The following EIF4E variants were observed in gnomAD, a reference collection of about 807,000 sequenced individuals.
EIF4E encodes the protein eIF-4F 25 kDa subunit.
For synonymous variants in EIF4E, 71 were observed against 88.5 expected (o/e 0.80, Z 1.11); for missense variants, 113 against 265.6 (o/e 0.43, Z 3.99).
In EIF4E at chr4:98,879,829, T is replaced by A. The variant is rs1295162790; in HGVS notation, c.*1199A>T. The A allele has an allele frequency of 6.6e-6, 1 of 152,176 alleles. No individual in the cohort carries two copies. The highest frequency in any genetic ancestry group is 1.5e-5 in the Non-Finnish European group (1 of 67,998). 9.4% of individuals were successfully genotyped at this position (152,176 alleles called of 1,614,324 possible). Reference sequence around the variant, plus strand: ...TACCTAAGACTGAATGACTGTGCCTTACTTTATAAAAAAACAAAGATAGCC... The same window carrying A: ...TACCTAAGACTGAATGACTGTGCCTAACTTTATAAAAAAACAAAGATAGCC... On this transcript the variant is annotated 3_prime_UTR_variant, in exon 7 of 7. Transcript: ENST00000450253.
In EIF4E at chr4:98,928,903, G is replaced by C. The variant is rs976972767; in HGVS notation, c.18+192C>G. ...AGTTCTCGGGCCCCCACCAGAAAGTGTGCGCTACACGCCGCCTCGGCCATC... is the reference window on the plus strand; with the variant it reads ...AGTTCTCGGGCCCCCACCAGAAAGTCTGCGCTACACGCCGCCTCGGCCATC... On this transcript the variant is annotated intron_variant, in intron 1 of 6. Coordinates refer to ENST00000450253, the MANE Select transcript of EIF4E (RefSeq NM_001968.5). 3 of 1,559,976 alleles carry C rather than the reference G, an allele frequency of 1.9e-6. No individual in the cohort carries two copies. In the African/African-American group the frequency reaches 4.1e-5, roughly 21 times the overall value.
At chr4:98,883,868 TCTC>T (rs1162575056) in intron 6 of EIF4E, among the ~76,000 whole-genome samples, 3 of 151,850 alleles carry the variant, frequency 2.0e-5, no homozygotes, top group Non-Finnish European at 2.9e-5. Context: ...CAAAACCTCT[TCTC>T]TACAAAAAAT....
chr4:98,928,039 A>AG lies in EIF4E; in HGVS notation c.18+1055dup, dbSNP rs572142047. Among the ~76,000 whole-genome samples, 40 of 152,352 alleles carry AG rather than the reference A, an allele frequency of 2.6e-4. No homozygotes were observed. The South Asian group carries it at 6.8e-3, about 26-fold the overall frequency. On this transcript the variant is annotated intron_variant, in intron 1 of 6. Coordinates refer to ENST00000450253, the MANE Select transcript of EIF4E (RefSeq NM_001968.5). ...ATGAAAGTCTGTAGCATAGATAAAG[A>AG]GAAAAAAAAAGTCAAATGGAAAAGT...
Position 98,887,901 on chromosome 4 carries a change from G to A in EIF4E, c.273C>T (p.Tyr91=). The change falls in exon 4 of 7, where the codon TAC becomes TAT. Residue 91 remains tyrosine (Y), a synonymous_variant. Transcript: ENST00000450253. The surrounding 1 kb of genome is among the most constrained non-coding windows in gnomAD (Gnocchi z 4.0). ...CAATTAAGCATACCTTAAAAAGTGA[G>A]TAGTCACAGCCAGGCATTAAATTAC... ...LSSNLMPGCD[Y]SLFKDGIEPM... is the part of the protein sequence containing the mutation. The A allele has an allele frequency of 5.0e-6, 8 of 1,612,770 alleles. No individual in the cohort carries two copies. Among genetic ancestry groups the A allele is most frequent in the Non-Finnish European group, 6.8e-6 (8 of 1,179,200 alleles).
rs750803814 is a variant in EIF4E, at chr4:98,909,682, G to C, written c.19-7700C>G. On this transcript the variant is annotated intron_variant, in intron 1 of 6. Transcript: ENST00000450253. ...CTGGCAAACAAGGCTTATCACCTGG[G>C]ATTCTCGCAGACTTTCTGCCTGCTT... 10 of 710,490 alleles carry C rather than the reference G, an allele frequency of 1.4e-5. 1 individual carries two copies. The South Asian group carries it at 1.5e-4, about 11-fold the overall frequency. 44.0% of individuals were successfully genotyped at this position (710,490 alleles called of 1,614,324 possible).
At chr4:98,905,232 A>T (rs75300018) in intron 1 of EIF4E, among the ~76,000 whole-genome samples, 1 of 86,802 alleles carries the variant, frequency 1.2e-5, no homozygotes, top group Non-Finnish European at 1.9e-5. Flanking sequence ...CAGGGAATTT[A>T]AAAAAAAAAA....
At chr4:98,883,421 G>A (rs1258769831) in intron 6 of EIF4E, among the ~76,000 whole-genome samples, 4 of 88,454 alleles carry the variant, frequency 4.5e-5, no homozygotes, top group Admixed American at 1.7e-4. Context: ...TTTTTTGTGA[G>A]ACAGTCTCGC....
chr4:98,929,064 C>A, intron 1 of EIF4E, 31 bp downstream of exon 1: 2 of 1,577,144 alleles, frequency 1.3e-6, no homozygotes, highest in East Asian at 4.7e-5. Context: ...CGCGGGGACC[C>A]GTGGGGGTGG....
rs140506874 is a variant in EIF4E at position 98,887,628 on chromosome 4, A to T, written c.285+261T>A. 4.1e-3 allele frequency among the ~76,000 whole-genome samples: 625 copies of T among 152,300 alleles called. 4 individuals carry two copies. Among genetic ancestry groups the T allele is most frequent in the African/African-American group, 0.014 (596 of 41,562 alleles). On this transcript the variant is annotated intron_variant, in intron 4 of 6. Transcript: ENST00000450253. This position sits in a 1 kb window ranked among gnomAD's most constrained non-coding sequence, Gnocchi z 4.0. ...ATGCTTGATAAACTCAGTCTGCTCA[A>T]ATATATAAAGGAAGGAGTAGACTGG...
At chr4:98,912,868 T>C (rs1032463436) in intron 1 of EIF4E, among the ~76,000 whole-genome samples, 1 of 152,166 alleles carries the variant, frequency 6.6e-6, no homozygotes, top group Non-Finnish European at 1.5e-5. Flanking sequence ...AAAAAATCAA[T>C]CTTTACATGT....
rs1317658798 is a variant in EIF4E at position 98,909,882 on chromosome 4, AG to A, written c.19-7901del. On this transcript the variant is annotated intron_variant, in intron 1 of 6. Transcript: ENST00000450253. ...AAGCGCCATGAGAAGGGTGGGACAG[AG>A]AGCCAGGGTAATCATGGAGGAGGCG... 7.6e-5 allele frequency: 46 copies of A among 606,922 alleles called. No homozygotes were observed. In the East Asian group the frequency reaches 1.1e-3, roughly 15 times the overall value. 37.6% of individuals were successfully genotyped at this position (606,922 alleles called of 1,614,324 possible). A position where few individuals can be genotyped will look rare whatever the true frequency, so the allele number is the denominator to read the frequency against.
intron 1 of EIF4E, among the ~76,000 whole-genome samples, chr4:98,906,915 T>C (rs1435239852): frequency 6.6e-6 from 1 of 152,148 alleles, no homozygotes; most frequent in Non-Finnish European, 1.5e-5. Context: ...TTGTGACATT[T>C]ATCTCCTAGG....
intron 1 of EIF4E, chr4:98,909,585 C>A: frequency 1.5e-6 from 1 of 677,486 alleles, no homozygotes; most frequent in South Asian, 1.7e-5. Flanking sequence ...CTTTATATTC[C>A]TCAGCTTCTT....
At chr4:98,886,139 C>T (rs1723910024) in intron 5 of EIF4E, among the ~76,000 whole-genome samples, 1 of 151,954 alleles carries the variant, frequency 6.6e-6, no homozygotes, top group South Asian at 2.1e-4. Context: ...AGAACAAGAC[C>T]CTGTCTCTAA....
intron 2 of EIF4E, among the ~76,000 whole-genome samples, chr4:98,896,667 C>CA (rs61329973): frequency 0.022 from 1,061 of 47,676 alleles, 166 homozygotes; most frequent in Non-Finnish European, 0.033. Context: ...ATGTCTCTTC[C>CA]AAAAAAAAAA....
chr4:98,891,587 T>C, intron 2 of EIF4E: 1 of 476,380 alleles, frequency 2.1e-6, no homozygotes. Flanking sequence ...TACTGTATGA[T>C]TCCACTTATA....
chr4:98,886,623 G>A (rs548570644), intron 5 of EIF4E: 14 of 356,510 alleles, frequency 3.9e-5, no homozygotes, highest in African/African-American at 3.0e-4. Context: ...GCTGAAGTGG[G>A]AGGATCACTT....
chr4:98,892,068 T>G (rs957128364), intron 2 of EIF4E, among the ~76,000 whole-genome samples: 1 of 152,054 alleles, frequency 6.6e-6, no homozygotes, highest in African/African-American at 2.4e-5. Flanking sequence ...ACAGCAGAGC[T>G]GGGCGCGGTG....
chr4:98,918,622 T>C (rs1315154712), intron 1 of EIF4E, among the ~76,000 whole-genome samples: 1 of 152,146 alleles, frequency 6.6e-6, no homozygotes, highest in Non-Finnish European at 1.5e-5. Context: ...AAAGTTTATT[T>C]ATCCCAGTAA....
Sources: gnomAD v4.1 joint callset for allele counts (sites outside exome capture counted in the v4.1 genomes callset) on GRCh38, gnomAD v4.1.1 for gene constraint, Gnocchi (gnomAD v3.1) non-coding constraint, MANE v1.5 for transcripts, NCBI Gene and HGNC (gene_info 2026-07-23, HGNC 2026-07-21) for gene names.